PRIM2: variants seen among roughly 807,000 people sequenced by gnomAD.
PRIM2 encodes the protein DNA primase subunit 2.
A neutral mutation model predicts 67.3 loss-of-function variants in PRIM2; 39 were observed. That is an observed-to-expected ratio of 0.58 (90% CI 0.45 to 0.76). PRIM2 has a LOEUF of 0.76. PRIM2 is among the 30% of genes least tolerant of loss of function. The pLI is 0.00. For missense variants in PRIM2, 398 were observed against 598.7 expected, an observed-to-expected ratio of 0.66 and a Z score of 3.50; for synonymous variants, 143 against 198.7, an observed-to-expected ratio of 0.72 and a Z score of 2.36.
chr6:57,436,851 C>T (rs543824199), intron 7 of PRIM2, among the ~76,000 whole-genome samples: 1 of 152,268 alleles, frequency 6.6e-6, no homozygotes, highest in South Asian at 2.1e-4. Context: ...GAAATTGGAA[C>T]AAAGTGCTTA....
At chr6:57,518,412 T>C (rs1774534019) in intron 8 of PRIM2, among the ~76,000 whole-genome samples, 1 of 152,210 alleles carries the variant, frequency 6.6e-6, no homozygotes, top group African/African-American at 2.4e-5. Flanking sequence ...GGAATGATCG[T>C]TTTAATTTGT....
In PRIM2 at chr6:57,521,367, G is replaced by GTT. The variant is rs1163114437; in HGVS notation, c.762-11019_762-11018dup. ...GAGTGGCTTAGTTTATGTGGTTAGG[G>GTT]TTTTTTTTTTTTTTTTTTTTTTTTT... On this transcript the variant is annotated intron_variant, in intron 8 of 13. Coordinates refer to ENST00000615550, the MANE Select transcript of PRIM2 (RefSeq NM_000947.5). Among the ~76,000 whole-genome samples the GTT allele has an allele frequency of 9.3e-3, 912 of 97,936 alleles. 57 individuals carry two copies. Among genetic ancestry groups the GTT allele is most frequent in the East Asian group, 0.049 (132 of 2,668 alleles). The allele number at this position is 97,936 out of a possible 152,430, so 64.2% of individuals were successfully genotyped here. A position where few individuals can be genotyped will look rare whatever the true frequency, so the allele number is the denominator to read the frequency against.
chr6:57,618,238 T>G (rs1200963371), intron 12 of PRIM2, among the ~76,000 whole-genome samples: 21 of 152,208 alleles, frequency 1.4e-4, no homozygotes, highest in African/African-American at 5.1e-4. Context: ...CAATTCCATA[T>G]GAATTTGAGG....
chr6:57,603,424 A>G (rs1372299238), intron 11 of PRIM2, among the ~76,000 whole-genome samples: 1 of 144,648 alleles, frequency 6.9e-6, no homozygotes, highest in Non-Finnish European at 1.5e-5. Context: ...ATTCCGACAC[A>G]TTTATTGAAT....
At chr6:57,238,170 C>A in the PRIM2 span, among the ~76,000 whole-genome samples, 1 of 152,174 alleles carries the variant, frequency 6.6e-6, no homozygotes, top group Admixed American at 6.5e-5. Flanking sequence ...AGAAAGTTAA[C>A]AAGGATATCC....
At chr6:57,346,324 T>A (rs1024979404) in intron 5 of PRIM2, among the ~76,000 whole-genome samples, 1 of 132,098 alleles carries the variant, frequency 7.6e-6, no homozygotes, top group Admixed American at 7.9e-5. Context: ...AAATGTATAC[T>A]TTTTTTTTTT....
At chr6:57,422,558 C>A (rs1031303421) in intron 7 of PRIM2, among the ~76,000 whole-genome samples, 3 of 152,080 alleles carry the variant, frequency 2.0e-5, no homozygotes, top group African/African-American at 7.2e-5. Flanking sequence ...TATCACAGAA[C>A]TTTAATGTAA....
At chr6:57,370,982 G>A (rs1769534941) in intron 5 of PRIM2, among the ~76,000 whole-genome samples, 1 of 152,090 alleles carries the variant, frequency 6.6e-6, no homozygotes, top group South Asian at 2.1e-4. Flanking sequence ...TCAGGCATGA[G>A]TGACTGCACC....
Position 57,448,105 on chromosome 6 carries a change from T to C in PRIM2, c.694-59282T>C, listed in dbSNP as rs867069961. ...AAATATTGCCTTCAAATGTGTAGCA[T>C]GCACTTTCTCCAGTGCCGATCTTTA... On this transcript the variant is annotated intron_variant, in intron 7 of 13. Transcript: ENST00000615550. 2.6e-5 allele frequency among the ~76,000 whole-genome samples: 4 copies of C among 152,236 alleles called. No individual in the cohort carries two copies. The South Asian group carries it at 6.2e-4, about 24-fold the overall frequency.
In PRIM2 at chr6:57,474,267, C is replaced by CG. The variant is rs1235375662; in HGVS notation, c.694-33116dup. On this transcript the variant is annotated intron_variant, in intron 7 of 13. Transcript: ENST00000615550. ...TTGGCTCACTGCAAGCTCCGCCTCC[C>CG]GGGGTTCATGCCATTCTCCTGCCTC... Among the ~76,000 whole-genome samples, 989 of 120,788 alleles carry CG rather than the reference C, an allele frequency of 8.2e-3. 11 individuals carry two copies. Among genetic ancestry groups the CG allele is most frequent in the Middle Eastern group, 0.021 (4 of 188 alleles). The allele number at this position is 120,788 out of a possible 152,430, so 79.2% of individuals were successfully genotyped here.
At chr6:57,376,093 G>T (rs1769754298) in intron 5 of PRIM2, among the ~76,000 whole-genome samples, 1 of 152,134 alleles carries the variant, frequency 6.6e-6, no homozygotes, top group Admixed American at 6.5e-5. Context: ...GCTGGGCATG[G>T]TGGTTTGTGC....
chr6:57,458,206 C>T (rs1253097527), intron 7 of PRIM2, among the ~76,000 whole-genome samples: 2 of 152,082 alleles, frequency 1.3e-5, no homozygotes, highest in African/African-American at 4.8e-5. Flanking sequence ...TGTCTTCATT[C>T]AGGATTTAGA....
At chr6:57,546,990 G>A (rs1775300852) in intron 10 of PRIM2, among the ~76,000 whole-genome samples, 1 of 152,116 alleles carries the variant, frequency 6.6e-6, no homozygotes, top group African/African-American at 2.4e-5. Context: ...ATTGCACTTA[G>A]GTTGCTGAAT....
At chr6:57,301,491 A>G in the PRIM2 span, among the ~76,000 whole-genome samples, 1 of 151,996 alleles carries the variant, frequency 6.6e-6, no homozygotes, top group Non-Finnish European at 1.5e-5. Context: ...CCATCTCAAA[A>G]ACAAACAAAC....
the PRIM2 span, among the ~76,000 whole-genome samples, chr6:57,270,594 C>T: frequency 6.6e-6 from 1 of 152,180 alleles, no homozygotes; most frequent in Non-Finnish European, 1.5e-5. Flanking sequence ...TTGACTTCCT[C>T]CTTTCCTAAT....
intron 7 of PRIM2, among the ~76,000 whole-genome samples, chr6:57,449,864 G>T (rs1268890638): frequency 1.4e-4 from 22 of 152,146 alleles, no homozygotes; most frequent in Non-Finnish European, 2.2e-4. Context: ...TATCACTGTT[G>T]TGGTGGAACT....
intron 10 of PRIM2, among the ~76,000 whole-genome samples, chr6:57,559,787 G>A (rs1775592881): frequency 6.6e-6 from 1 of 152,166 alleles, no homozygotes; most frequent in African/African-American, 2.4e-5. Context: ...GTGTGCAATA[G>A]CATTATATCT....
At chr6:57,326,680 C>T (rs891729788) in intron 5 of PRIM2, among the ~76,000 whole-genome samples, 20 of 151,498 alleles carry the variant, frequency 1.3e-4, no homozygotes, top group East Asian at 3.9e-4. Context: ...GAGATCATGC[C>T]GCTGCACTCT....
intron 5 of PRIM2, among the ~76,000 whole-genome samples, chr6:57,357,555 G>T (rs1216903944): frequency 1.3e-5 from 2 of 150,204 alleles, no homozygotes; most frequent in Non-Finnish European, 2.9e-5. Context: ...TTCTTTCTGG[G>T]ACATTTCCTT....
Sources: gnomAD v4.1 joint callset for allele counts (sites outside exome capture counted in the v4.1 genomes callset) on GRCh38, gnomAD v4.1.1 for gene constraint, MANE v1.5 for transcripts, NCBI Gene and HGNC (gene_info 2026-07-23, HGNC 2026-07-21) for gene names.